AKR1B10: variants seen among roughly 807,000 people sequenced by gnomAD.
AKR1B10 encodes aldo-keto reductase family 1 member B10.
Under a neutral mutation model 38.9 loss-of-function variants are expected in AKR1B10, and 39 were observed. The observed-to-expected ratio is 1.00, with a 90% CI of 0.78 to 1.31. The LOEUF (loss-of-function observed/expected upper bound fraction) is 1.31, where lower values mean the gene tolerates loss of function less well. Ranked by LOEUF, AKR1B10 falls within the 50% of genes most tolerant of loss-of-function variation. AKR1B10 has a pLI of 0.00. For synonymous variants in AKR1B10, 148 were observed against 141.2 expected (o/e 1.05, Z -0.34); for missense variants, 361 against 382.6 (o/e 0.94, Z 0.47).
intron 4 of AKR1B10, among the ~76,000 whole-genome samples, chr7:134,535,055 T>C (rs1439609639): frequency 6.6e-6 from 1 of 152,008 alleles, no homozygotes; most frequent in East Asian, 1.9e-4. Context: ...GGCATCATCA[T>C]AGTTTAGTGC....
At chr7:134,538,725 C>T (rs1017000045) in intron 8 of AKR1B10, among the ~76,000 whole-genome samples, 16 of 152,258 alleles carry the variant, frequency 1.1e-4, no homozygotes, top group African/African-American at 3.6e-4. Context: ...GGTCTCCCTC[C>T]CCCCAGAACA....
At chr7:134,535,430 A>T (rs1053057364) in intron 4 of AKR1B10, among the ~76,000 whole-genome samples, 39 of 152,038 alleles carry the variant, frequency 2.6e-4, no homozygotes, top group African/African-American at 9.2e-4. Flanking sequence ...GCATCCAGCC[A>T]GTATTTTTTA....
rs1481389619 is a variant in AKR1B10 at position 134,538,293 on chromosome 7, G to A, written c.825+16G>A. 3 of 1,610,058 alleles carry A rather than the reference G, an allele frequency of 1.9e-6. No individual in the cohort carries two copies. The highest frequency in any genetic ancestry group is 2.2e-5 in the South Asian group (2 of 90,882). On this transcript the variant is annotated intron_variant, in intron 8 of 9. Transcript: ENST00000359579. Reference sequence around the variant, plus strand: ...GAACATTCAGGTAAGTTTCCGGCTGGTCGGCCCTGGTATTCCTCAGTGGAG... The same window carrying A: ...GAACATTCAGGTAAGTTTCCGGCTGATCGGCCCTGGTATTCCTCAGTGGAG...
chr7:134,532,970 A>G, intron 3 of AKR1B10, 34 bp from the exon 4 acceptor site: 4 of 1,576,074 alleles, frequency 2.5e-6, no homozygotes, highest in Non-Finnish European at 3.5e-6. Context: ...GTCCTGATGC[A>G]GATTCCAGTA....
At chr7:134,530,355 C>T (rs1302090020) in intron 1 of AKR1B10, among the ~76,000 whole-genome samples, 1 of 152,210 alleles carries the variant, frequency 6.6e-6, no homozygotes, top group Non-Finnish European at 1.5e-5. Context: ...CACTTTCCTT[C>T]TTTTCTTTTG....
rs1201171273 is a variant in AKR1B10 at position 134,531,823 on chromosome 7, A to G, written c.235-85A>G. 4.7e-6 allele frequency: 7 copies of G among 1,503,910 alleles called. No homozygotes were observed. In the African/African-American group the frequency reaches 6.9e-5, roughly 15 times the overall value. 93.2% of individuals were successfully genotyped at this position (1,503,910 alleles called of 1,614,324 possible). Reference sequence around the variant, plus strand: ...ATGGCTTGTGGTGGGTTAGATGAGGATGCAAATCAAAAAGCAGGGACAATG... The same window carrying G: ...ATGGCTTGTGGTGGGTTAGATGAGGGTGCAAATCAAAAAGCAGGGACAATG... On this transcript the variant is annotated intron_variant, in intron 2 of 9. Coordinates refer to ENST00000359579, the MANE Select transcript of AKR1B10 (RefSeq NM_020299.5).
intron 5 of AKR1B10, 67 bp from the exon 6 acceptor site, chr7:134,536,984 G>C: frequency 1.9e-6 from 3 of 1,555,228 alleles, no homozygotes; most frequent in South Asian, 1.2e-5. Context: ...TTTGTGTGTA[G>C]AACTCCCTAG....
chr7:134,529,720 C>T (rs148888163), intron 1 of AKR1B10, among the ~76,000 whole-genome samples: 52 of 152,164 alleles, frequency 3.4e-4, no homozygotes, highest in African/African-American at 1.2e-3. Context: ...TTTTTTGCCC[C>T]CATCATTGGC....
At chr7:134,536,835 G>A in intron 5 of AKR1B10, 63 bp downstream of exon 5, 1 of 1,605,104 alleles carries the variant, frequency 6.2e-7, no homozygotes, top group Middle Eastern at 1.7e-4. Context: ...ATTGCGGGAG[G>A]AATGTTCAAT....
chr7:134,530,870 G>T, intron 2 of AKR1B10, 60 bp downstream of exon 2: 1 of 1,550,364 alleles, frequency 6.5e-7, no homozygotes, highest in African/African-American at 1.4e-5. Context: ...TATCTGGGTC[G>T]GGTTGGCAGC....
chr7:134,535,627 T>G (rs1807980678), intron 4 of AKR1B10: 1 of 358,350 alleles, frequency 2.8e-6, no homozygotes, highest in African/African-American at 2.2e-5. Context: ...GCCCAGCTTA[T>G]ACTCTACCTG....
In AKR1B10 at chr7:134,541,049, C is replaced by T. The variant is rs563438026; in HGVS notation, c.911C>T (p.Ser304Phe). 1.0e-5 allele frequency: 16 copies of T among 1,574,124 alleles called. No individual in the cohort carries two copies. The African/African-American group carries it at 1.8e-4, about 17-fold the overall frequency. ...TTGTTTTTTGTTCTTTCCTGCAGAT[C>T]CTCTCATTTGGAAGACTATCCCTTC... ...RNWRACNVLQ[S>F]SHLEDYPFNA... Residue 304 changes from serine (S) to phenylalanine (F), a missense_variant and splice_region_variant, in exon 10 of 10, where the codon TCC becomes TTC. This residue lies in a region of AKR1B10 where 132 missense variants were observed against 134.6 expected (regional missense o/e 0.98). Coordinates refer to ENST00000359579, the MANE Select transcript of AKR1B10 (RefSeq NM_020299.5).
chr7:134,537,109 G>C lies in AKR1B10; in HGVS notation c.611G>C (p.Gly204Ala). 1 of 1,596,940 alleles carries C rather than the reference G, an allele frequency of 6.3e-7. No homozygotes were observed. The highest frequency in any genetic ancestry group is 8.5e-7 in the Non-Finnish European group (1 of 1,171,402). ...EKLIQYCHSK[G>A]ITVTAYSPLG... ...CTGATCCAGTACTGCCACTCCAAGG[G>C]CATCACCGTTACGGCCTACAGCCCC... Residue 204 changes from glycine to alanine, a missense_variant, in exon 6 of 10, where the codon GGC becomes GCC. Transcript: ENST00000359579.
At chr7:134,530,917 T>C in intron 2 of AKR1B10, 107 bp downstream of exon 2, 1 of 1,413,210 alleles carries the variant, frequency 7.1e-7, no homozygotes, top group South Asian at 1.4e-5. Context: ...GTACCCCTTT[T>C]CATCTCTGCC....
At chr7:134,532,045 C>T (rs1807873076) in intron 3 of AKR1B10, 21 bp downstream of exon 3, 1 of 1,613,570 alleles carries the variant, frequency 6.2e-7, no homozygotes, top group Non-Finnish European at 8.5e-7. Flanking sequence ...CTCTCTTTCT[C>T]AGCCTCTAGT....
At chr7:134,528,829 T>C (rs1807770992) in intron 1 of AKR1B10, among the ~76,000 whole-genome samples, 1 of 152,172 alleles carries the variant, frequency 6.6e-6, no homozygotes, top group Non-Finnish European at 1.5e-5. Context: ...ATCTGCACTT[T>C]AACAAGATCC....
Position 134,541,239 on chromosome 7 carries a change from C to T in AKR1B10, c.*150C>T, listed in dbSNP as rs1468894914. 1.7e-6 allele frequency: 1 copy of T among 593,312 alleles called. No individual in the cohort carries two copies. The highest frequency in any genetic ancestry group is 3.0e-5 in the East Asian group (1 of 33,180). 36.8% of individuals were successfully genotyped at this position (593,312 alleles called of 1,614,324 possible). A position where few individuals can be genotyped will look rare whatever the true frequency, so the allele number is the denominator to read the frequency against. Reference sequence around the variant, plus strand: ...ACGAGAATCGAGGTGCTGTTTTAGACATTTATTTCTGTATGTTCAACTAGG... The same window carrying T: ...ACGAGAATCGAGGTGCTGTTTTAGATATTTATTTCTGTATGTTCAACTAGG... On this transcript the variant is annotated 3_prime_UTR_variant, in exon 10 of 10. Coordinates refer to ENST00000359579, the MANE Select transcript of AKR1B10 (RefSeq NM_020299.5).
At chr7:134,535,808 G>C in intron 4 of AKR1B10, 1 of 590,724 alleles carries the variant, frequency 1.7e-6, no homozygotes, top group Non-Finnish European at 2.1e-6. Flanking sequence ...CAGAAAAAGG[G>C]AGCACATTGT....
At chr7:134,539,486 T>C (rs1808094420) in intron 9 of AKR1B10, among the ~76,000 whole-genome samples, 1 of 152,016 alleles carries the variant, frequency 6.6e-6, no homozygotes, top group Admixed American at 6.6e-5. Context: ...GCAAAGTGGA[T>C]AGGAAGCGGT....
Sources: gnomAD v4.1 joint callset for allele counts (sites outside exome capture counted in the v4.1 genomes callset) on GRCh38, gnomAD v4.1.1 for gene constraint, gnomAD v4.1.1 regional missense constraint, MANE v1.5 for transcripts, NCBI Gene and HGNC (gene_info 2026-07-23, HGNC 2026-07-21) for gene names.